CRTC3: variants seen among roughly 807,000 people sequenced by gnomAD.
The protein encoded by CRTC3 is CREB-regulated transcription coactivator 3.
Under a neutral mutation model 74.5 loss-of-function variants are expected in CRTC3, and 26 were observed. The observed-to-expected ratio is 0.35, with a 90% CI of 0.26 to 0.48. CRTC3 has a LOEUF of 0.48. CRTC3 is among the 20% of genes least tolerant of loss of function. The probability of loss-of-function intolerance (pLI) is 0.99; values close to 1 mark genes in which losing one functional copy is unlikely to be tolerated. For missense variants in CRTC3, 760 were observed against 787.3 expected, an observed-to-expected ratio of 0.97 and a Z score of 0.41; for synonymous variants, 377 against 325.8, an observed-to-expected ratio of 1.16 and a Z score of -1.69.
chr15:90,634,620 T>C, intron 11 of CRTC3: 1 of 481,520 alleles, frequency 2.1e-6, no homozygotes, highest in Non-Finnish European at 3.8e-6. Context: ...CCTCAGGGCC[T>C]GGTGATCCTC....
chr15:90,632,108 C>CAA (rs1326481906), intron 11 of CRTC3, among the ~76,000 whole-genome samples: 2 of 151,444 alleles, frequency 1.3e-5, no homozygotes, highest in African/African-American at 2.4e-5. Context: ...GGGGTTTCAC[C>CAA]ATATTGCCCA....
At chr15:90,609,530 CATT>C (rs1240008703) in intron 6 of CRTC3, among the ~76,000 whole-genome samples, 1 of 152,206 alleles carries the variant, frequency 6.6e-6, no homozygotes, top group Non-Finnish European at 1.5e-5. Context: ...GCCGATCCTT[CATT>C]TACATTACCC....
intron 8 of CRTC3, among the ~76,000 whole-genome samples, chr15:90,618,517 G>A (rs1445489813): frequency 6.6e-6 from 1 of 152,318 alleles, no homozygotes; most frequent in East Asian, 1.9e-4. Context: ...CTCACCCACT[G>A]TGGAAGAAAG....
chr15:90,614,629 G>A (rs894728241), intron 7 of CRTC3, 141 bp downstream of exon 7: 4 of 574,714 alleles, frequency 7.0e-6, no homozygotes, highest in African/African-American at 5.8e-5. Context: ...ACTTTTCAGA[G>A]AGCCTCTAGA....
chr15:90,546,713 C>G (rs7494813), intron 2 of CRTC3, among the ~76,000 whole-genome samples: 99,892 of 152,066 alleles, frequency 0.66, 34,288 homozygotes, highest in Non-Finnish European at 0.77. Flanking sequence ...AGCTCTGCCC[C>G]CTGGGTTCAT....
At chr15:90,532,303 C>T (rs8033818) in intron 1 of CRTC3, among the ~76,000 whole-genome samples, 64,359 of 152,072 alleles carry the variant, frequency 0.42, 15,500 homozygotes, top group Non-Finnish European at 0.55. Context: ...AAAATTAGAA[C>T]ACTTCTCATA....
At chr15:90,546,515 G>T (rs1596073968) in intron 2 of CRTC3, among the ~76,000 whole-genome samples, 1 of 152,324 alleles carries the variant, frequency 6.6e-6, no homozygotes, top group East Asian at 1.9e-4. Context: ...TAGGTAATGA[G>T]AGTCGTCTTT....
At chr15:90,621,531 C>A (rs1968653011) in intron 9 of CRTC3, among the ~76,000 whole-genome samples, 1 of 152,158 alleles carries the variant, frequency 6.6e-6, no homozygotes, top group East Asian at 1.9e-4. Context: ...CCATATTGGC[C>A]AGGCTGGTCT....
chr15:90,577,730 C>T (rs1035972888), intron 2 of CRTC3, among the ~76,000 whole-genome samples: 2 of 152,124 alleles, frequency 1.3e-5, no homozygotes, highest in African/African-American at 4.8e-5. Context: ...TTTACAGCAA[C>T]ACTGATGGAA....
Position 90,593,681 on chromosome 15 carries a change from G to T in CRTC3, c.277G>T (p.Gly93Trp). Residue 93 changes from glycine to tryptophan, a missense_variant, in exon 3 of 15, where the codon GGG becomes TGG. Transcript: ENST00000268184. ...ADNVRGTRHHGLVERPSRNRF... is the reference protein window; with the variant it reads ...ADNVRGTRHHWLVERPSRNRF... ...TAATGTTCGGGGAACCCGCCATCAC[G>T]GGCTGGTGGAGAGGCCATCCAGGAA... 6.2e-7 allele frequency: 1 copy of T among 1,611,554 alleles called. No homozygotes were observed. The highest frequency in any genetic ancestry group is 1.7e-5 in the Admixed American group (1 of 59,968).
chr15:90,563,424 TA>T (rs1046209330), intron 2 of CRTC3, among the ~76,000 whole-genome samples: 3 of 151,418 alleles, frequency 2.0e-5, no homozygotes, highest in African/African-American at 7.3e-5. Flanking sequence ...AATAAATAAA[TA>T]AAATAAAAAT....
chr15:90,591,379 CAA>C (rs1967797489), intron 2 of CRTC3, among the ~76,000 whole-genome samples: 1 of 152,156 alleles, frequency 6.6e-6, no homozygotes, highest in East Asian at 1.9e-4. Context: ...CTCCGCCTCC[CAA>C]AGTGCTGGGA....
intron 2 of CRTC3, among the ~76,000 whole-genome samples, chr15:90,579,957 A>G (rs1489680553): frequency 2.0e-5 from 3 of 152,030 alleles, no homozygotes; most frequent in Non-Finnish European, 4.4e-5. Context: ...TTTACTTTTA[A>G]TCTCTAGTTT....
At chr15:90,546,400 T>G (rs2151059254) in intron 2 of CRTC3, among the ~76,000 whole-genome samples, 1 of 152,308 alleles carries the variant, frequency 6.6e-6, no homozygotes, top group Non-Finnish European at 1.5e-5. Flanking sequence ...TTTCTTTGTC[T>G]ATCATTTTGC....
At chr15:90,540,870 A>G (rs1469307903) in intron 2 of CRTC3, among the ~76,000 whole-genome samples, 1 of 152,236 alleles carries the variant, frequency 6.6e-6, no homozygotes, top group Non-Finnish European at 1.5e-5. Flanking sequence ...GAAATCTCAC[A>G]TACTTTTCTG....
At chr15:90,637,131 A>G (rs1969267371) in intron 11 of CRTC3, among the ~76,000 whole-genome samples, 1 of 152,246 alleles carries the variant, frequency 6.6e-6, no homozygotes, top group Non-Finnish European at 1.5e-5. Context: ...ACTATTCACA[A>G]TAGCAAAGAC....
At chr15:90,624,111 C>A (rs552388535) in intron 9 of CRTC3, among the ~76,000 whole-genome samples, 29 of 152,292 alleles carry the variant, frequency 1.9e-4, no homozygotes, top group African/African-American at 6.0e-4. Context: ...TCTTGAAGCC[C>A]TGATGCCAGT....
intron 11 of CRTC3, among the ~76,000 whole-genome samples, chr15:90,630,657 T>G (rs1449707722): frequency 7.9e-5 from 12 of 151,706 alleles, no homozygotes; most frequent in Admixed American, 7.9e-4. Flanking sequence ...GGTTGAAACA[T>G]CCTATAAATT....
At chr15:90,634,138 G>T (rs544861682) in intron 11 of CRTC3, among the ~76,000 whole-genome samples, 1 of 151,024 alleles carries the variant, frequency 6.6e-6, no homozygotes, top group African/African-American at 2.4e-5. Flanking sequence ...TTGAGACAGG[G>T]TCTTGCTCTG....
Sources: gnomAD v4.1 joint callset for allele counts (sites outside exome capture counted in the v4.1 genomes callset) on GRCh38, gnomAD v4.1.1 for gene constraint, MANE v1.5 for transcripts, NCBI Gene and HGNC (gene_info 2026-07-23, HGNC 2026-07-21) for gene names.